The following GPC5 variants were observed in gnomAD, a reference collection of about 807,000 sequenced individuals.
GPC5 encodes glypican 5.
A neutral mutation model predicts 53.9 loss-of-function variants in GPC5; 47 were observed. That is an observed-to-expected ratio of 0.87 (90% confidence interval 0.69 to 1.11). GPC5 has a LOEUF of 1.11. GPC5 is among the 50% of genes most tolerant of loss of function. GPC5 has a pLI of 0.00. For synonymous variants in GPC5, 286 were observed against 263.3 expected, an observed-to-expected ratio of 1.09 and a Z score of -0.84; for missense variants, 748 against 713.1, an observed-to-expected ratio of 1.05 and a Z score of -0.56.
intron 7 of GPC5, among the ~76,000 whole-genome samples, chr13:92,577,348 T>C (rs1883218335): frequency 6.6e-6 from 1 of 152,002 alleles, no homozygotes; most frequent in Non-Finnish European, 1.5e-5. Flanking sequence ...TTTGGAGCAA[T>C]AATATGTTCC....
chr13:92,328,337 A>G (rs142751720), intron 7 of GPC5, among the ~76,000 whole-genome samples: 118 of 152,286 alleles, frequency 7.7e-4, no homozygotes, highest in African/African-American at 2.4e-3. Context: ...GGAGTTCCCA[A>G]AAGGGAGAAA....
intron 5 of GPC5, among the ~76,000 whole-genome samples, chr13:91,792,095 A>T (rs2037974992): frequency 6.6e-6 from 1 of 152,186 alleles, no homozygotes; most frequent in Non-Finnish European, 1.5e-5. Context: ...ATTCTTGAAG[A>T]TTTCTCAGTG....
At chr13:91,995,363 C>T (rs2040494840) in intron 6 of GPC5, 1 of 152,130 alleles carries the variant, frequency 6.6e-6, no homozygotes, top group Non-Finnish European at 1.5e-5. Context: ...TATTGACTGG[C>T]TATCTTCTGA....
chr13:91,998,754 G>T (rs556351555), intron 6 of GPC5, among the ~76,000 whole-genome samples: 1 of 152,254 alleles, frequency 6.6e-6, no homozygotes, highest in South Asian at 2.1e-4. Flanking sequence ...TTAATAAATG[G>T]TGTCTTTGCC....
At chr13:92,608,199 T>C (rs745753774) in intron 7 of GPC5, among the ~76,000 whole-genome samples, 3 of 152,278 alleles carry the variant, frequency 2.0e-5, no homozygotes, top group Non-Finnish European at 2.9e-5. Context: ...TCAAAAATTA[T>C]ATTTGGATTT....
At chr13:91,525,392 T>C (rs1886038508) in intron 2 of GPC5, among the ~76,000 whole-genome samples, 1 of 152,220 alleles carries the variant, frequency 6.6e-6, no homozygotes, top group Non-Finnish European at 1.5e-5. Flanking sequence ...ATACCACTGC[T>C]TAGGTTATAT....
At chr13:92,179,241 A>C (rs1013925967) in intron 7 of GPC5, among the ~76,000 whole-genome samples, 2 of 152,144 alleles carry the variant, frequency 1.3e-5, no homozygotes, top group Non-Finnish European at 2.9e-5. Flanking sequence ...ACCTAAAAAA[A>C]TTTTCAATTA....
intron 5 of GPC5, among the ~76,000 whole-genome samples, chr13:91,880,191 A>G (rs2138947813): frequency 6.6e-6 from 1 of 152,214 alleles, no homozygotes; most frequent in South Asian, 2.1e-4. Flanking sequence ...AATTAAATTA[A>G]GATTCATTTA....
chr13:91,888,221 T>A (rs1478721024), intron 5 of GPC5, among the ~76,000 whole-genome samples: 1 of 152,042 alleles, frequency 6.6e-6, no homozygotes, highest in Non-Finnish European at 1.5e-5. Context: ...TTTAAAACCA[T>A]CAGACCTTGT....
At chr13:92,273,572 G>A (rs768978304) in intron 7 of GPC5, among the ~76,000 whole-genome samples, 25 of 151,936 alleles carry the variant, frequency 1.6e-4, no homozygotes, top group Admixed American at 1.3e-4. Flanking sequence ...AAGGTGATGT[G>A]ATACTCTTAC....
intron 2 of GPC5, among the ~76,000 whole-genome samples, chr13:91,638,648 G>A (rs190834993): frequency 3.9e-5 from 6 of 152,240 alleles, no homozygotes; most frequent in Admixed American, 6.5e-5. Context: ...TTACAGGTGT[G>A]AGCCACCATG....
intron 7 of GPC5, among the ~76,000 whole-genome samples, chr13:92,334,145 C>A (rs2043306586): frequency 1.3e-5 from 2 of 152,126 alleles, no homozygotes; most frequent in East Asian, 3.9e-4. Context: ...GAAGAAATAC[C>A]CAAGACTGAG....
At chr13:91,859,840 A>G (rs1435628552) in intron 5 of GPC5, among the ~76,000 whole-genome samples, 2 of 151,848 alleles carry the variant, frequency 1.3e-5, no homozygotes, top group Non-Finnish European at 2.9e-5. Context: ...TTTTTCCAAT[A>G]TAAGAATTTA....
chr13:92,632,485 T>TATATATATAC (rs138355646), intron 7 of GPC5, among the ~76,000 whole-genome samples: 22,978 of 136,528 alleles, frequency 0.17, 2,118 homozygotes, highest in Non-Finnish European at 0.22. Context: ...TATATATATA[T>TATATATATAC]ACACATATAT....
intron 1 of GPC5, among the ~76,000 whole-genome samples, chr13:91,439,283 A>G (rs1880242988): frequency 6.6e-6 from 1 of 152,258 alleles, no homozygotes; most frequent in Non-Finnish European, 1.5e-5. Context: ...TCTAATGGGT[A>G]GAGTTCAGGA....
intron 7 of GPC5, among the ~76,000 whole-genome samples, chr13:92,342,623 C>T (rs2043376566): frequency 6.6e-6 from 1 of 151,956 alleles, no homozygotes; most frequent in Non-Finnish European, 1.5e-5. Context: ...GCCTCCAGAA[C>T]TGTGAGAAAT....
chr13:92,007,726 C>G (rs1437033278), intron 6 of GPC5, among the ~76,000 whole-genome samples: 1 of 152,032 alleles, frequency 6.6e-6, no homozygotes, highest in Admixed American at 6.6e-5. Flanking sequence ...AATTATAGTT[C>G]TCCTACTTGC....
intron 7 of GPC5, among the ~76,000 whole-genome samples, chr13:92,589,812 A>G (rs1232475431): frequency 1.3e-5 from 2 of 152,240 alleles, no homozygotes; most frequent in African/African-American, 4.8e-5. Flanking sequence ...GACATTCATC[A>G]TTGTTTCACA....
chr13:92,813,062 C>G (rs1354133454), intron 7 of GPC5, among the ~76,000 whole-genome samples: 1 of 151,792 alleles, frequency 6.6e-6, no homozygotes. Flanking sequence ...TAAATACCGG[C>G]CTTTCGAAGC....
Sources: allele counts gnomAD v4.1 joint callset (sites outside exome capture counted in the v4.1 genomes callset), GRCh38; gene constraint gnomAD v4.1.1; transcripts MANE v1.5; gene names NCBI Gene and HGNC (gene_info 2026-07-23, HGNC 2026-07-21).